Variants in VWF observed in about 807,000 individuals in gnomAD.
The protein encoded by VWF is von Willebrand factor, also known as Factor VIII related antigen.
In VWF, 176 loss-of-function variants were observed where a neutral mutation model predicts 308.6. The ratio of observed to expected loss-of-function variants is 0.57; its 90% confidence interval spans 0.50 to 0.65. The LOEUF (loss-of-function observed/expected upper bound fraction) is 0.65, where lower values mean the gene tolerates loss of function less well. Ranked by LOEUF, VWF falls within the 30% of genes least tolerant of loss-of-function variation. The probability of loss-of-function intolerance (pLI) is 0.00; values close to 1 mark genes in which losing one functional copy is unlikely to be tolerated. For missense variants in VWF, 3,146 were observed against 3,648.2 expected (o/e 0.86, Z 3.55); for synonymous variants, 1,385 against 1,443.4 (o/e 0.96, Z 0.92).
rs1403649370 is a variant in VWF at position 6,092,622 on chromosome 12, T to TGAGAGTGAGAGTCAGAGAGAGAGAGA, written c.657+2837_657+2838insTCTCTCTCTCTCTGACTCTCACTCTC. 7.9e-4 allele frequency among the ~76,000 whole-genome samples: 72 copies of TGAGAGTGAGAGTCAGAGAGAGAGAGA among 91,514 alleles called. 1 individual carries two copies. The highest frequency in any genetic ancestry group is 3.6e-3 in the African/African-American group (68 of 18,898). The allele number at this position is 91,514 out of a possible 152,430, so 60.0% of individuals were successfully genotyped here. A position where few individuals can be genotyped will look rare whatever the true frequency, so the allele number is the denominator to read the frequency against. ...GCTAGTTAGTGAGTGAGTGAGAGTG[T>TGAGAGTGAGAGTCAGAGAGAGAGAGA]GTGTGTGTGTGTGTGTGTGTGTGTG... On this transcript the variant is annotated intron_variant, in intron 6 of 51. Transcript: ENST00000261405.
intron 12 of VWF, 62 bp downstream of exon 12, chr12:6,064,184 A>G: frequency 6.2e-7 from 1 of 1,612,848 alleles, no homozygotes; most frequent in Non-Finnish European, 8.5e-7. Flanking sequence ...AGGGTTGAGA[A>G]GGAGGGTGCT....
intron 42 of VWF, among the ~76,000 whole-genome samples, chr12:5,979,780 G>A (rs1442809367): frequency 2.0e-5 from 3 of 150,672 alleles, no homozygotes; most frequent in Non-Finnish European, 3.0e-5. Flanking sequence ...GGTGGTTCAT[G>A]CCAGTAATCC....
chr12:5,988,442 G>A (rs972246335), intron 38 of VWF, among the ~76,000 whole-genome samples: 1 of 152,180 alleles, frequency 6.6e-6, no homozygotes, highest in Non-Finnish European at 1.5e-5. Context: ...CGGAAGGAGA[G>A]AGTCATGTTC....
At chr12:5,974,211 A>C (rs1479692241) in intron 43 of VWF, among the ~76,000 whole-genome samples, 1 of 141,640 alleles carries the variant, frequency 7.1e-6, no homozygotes, top group Admixed American at 6.9e-5. Context: ...GACCATCTGT[A>C]ACTTACTTAA....
intron 51 of VWF, among the ~76,000 whole-genome samples, chr12:5,949,417 C>G (rs1424325376): frequency 6.6e-6 from 1 of 152,130 alleles, no homozygotes; most frequent in Non-Finnish European, 1.5e-5. Flanking sequence ...TACCCACACC[C>G]CTCTAGCTGC....
chr12:6,072,026 A>T (rs1363829235), intron 9 of VWF, among the ~76,000 whole-genome samples: 1 of 152,172 alleles, frequency 6.6e-6, no homozygotes, highest in Non-Finnish European at 1.5e-5. Context: ...GCCCTCCTCC[A>T]GGGGGAAAGG....
intron 5 of VWF, among the ~76,000 whole-genome samples, chr12:6,098,696 G>A (rs926185097): frequency 1.3e-5 from 2 of 151,696 alleles, no homozygotes; most frequent in Non-Finnish European, 2.9e-5. Flanking sequence ...GGAGAATGGT[G>A]TGAACCTGGG....
intron 47 of VWF, among the ~76,000 whole-genome samples, chr12:5,956,474 T>C (rs1943251793): frequency 1.3e-5 from 2 of 152,104 alleles, no homozygotes; most frequent in Admixed American, 1.3e-4. Context: ...CTGTGCGTGC[T>C]GAGTTTTCAT....
At chr12:6,007,463 C>T (rs1306666178) in intron 34 of VWF, among the ~76,000 whole-genome samples, 1 of 152,164 alleles carries the variant, frequency 6.6e-6, no homozygotes, top group African/African-American at 2.4e-5. Context: ...AAAAAACACT[C>T]TTGAACAACC....
chr12:6,122,675 T>C (rs371529871), intron 2 of VWF: 119 of 482,258 alleles, frequency 2.5e-4, no homozygotes, highest in African/African-American at 1.9e-3. Flanking sequence ...GGCAGCAGTA[T>C]GATGCAGTGC....
At chr12:5,963,993 G>A (rs534886148) in intron 47 of VWF, among the ~76,000 whole-genome samples, 128 of 152,068 alleles carry the variant, frequency 8.4e-4, no homozygotes, top group African/African-American at 3.0e-3. Context: ...AGATCACGAG[G>A]TCAGGAGATT....
chr12:6,011,391 G>T (rs537176892), intron 34 of VWF, among the ~76,000 whole-genome samples: 1 of 152,340 alleles, frequency 6.6e-6, no homozygotes, highest in African/African-American at 2.4e-5. Context: ...ATCTGGGGAA[G>T]TGCCTTCCAA....
chr12:6,111,722 G>A (rs1312443665), intron 3 of VWF, among the ~76,000 whole-genome samples: 4 of 150,654 alleles, frequency 2.7e-5, no homozygotes, highest in Non-Finnish European at 5.9e-5. Context: ...AGGCTGAGGC[G>A]GGTGGATCAC....
At chr12:5,986,038 G>T (rs1375766783) in intron 38 of VWF, among the ~76,000 whole-genome samples, 1 of 152,222 alleles carries the variant, frequency 6.6e-6, no homozygotes, top group East Asian at 1.9e-4. Context: ...TTCTGAAATT[G>T]ACTTCAGACA....
At chr12:6,073,468 T>A (rs1944802691) in intron 8 of VWF, 151 bp downstream of exon 8, 2 of 1,098,870 alleles carry the variant, frequency 1.8e-6, no homozygotes, top group Non-Finnish European at 2.7e-6. Context: ...AGCTCAATCC[T>A]GATCACGCTG....
At chr12:6,074,477 T>C (rs1944817435) in intron 7 of VWF, among the ~76,000 whole-genome samples, 1 of 136,650 alleles carries the variant, frequency 7.3e-6, no homozygotes, top group Non-Finnish European at 1.5e-5. Flanking sequence ...CTACCCTACA[T>C]TCACAGACCT....
At position 6,020,634 on chromosome 12, in the gene VWF, T is replaced by C. The variant is rs1224269313; in HGVS notation, c.3675-891A>G. The stretch of plus-strand genomic sequence containing the variant: ...CTGCCAGCCCACAGGTGAAATCAAG[T>C]GACCGTGTGGTGGAGACCAATATGG... On this transcript the variant is annotated intron_variant, in intron 27 of 51. Transcript: ENST00000261405. The surrounding 1 kb of genome is among the most constrained non-coding windows in gnomAD (Gnocchi z 4.3). 1.3e-5 allele frequency among the ~76,000 whole-genome samples: 2 copies of C among 152,258 alleles called. No individual in the cohort carries two copies. Among genetic ancestry groups the C allele is most frequent in the Non-Finnish European group, 2.9e-5 (2 of 68,040 alleles).
At chr12:6,039,562 A>G (rs1454482786) in intron 18 of VWF, among the ~76,000 whole-genome samples, 2 of 152,212 alleles carry the variant, frequency 1.3e-5, no homozygotes, top group Admixed American at 6.5e-5. Context: ...GACTCCTCCT[A>G]TGAAGACTTA....
intron 5 of VWF, 114 bp downstream of exon 5, chr12:6,110,260 G>T: frequency 9.0e-7 from 1 of 1,110,822 alleles, no homozygotes; most frequent in Non-Finnish European, 1.4e-6. Flanking sequence ...ATAAATTGAG[G>T]TGAGGTCACA....
Sources: gnomAD v4.1 joint callset for allele counts (sites outside exome capture counted in the v4.1 genomes callset) on GRCh38, gnomAD v4.1.1 for gene constraint, Gnocchi (gnomAD v3.1) non-coding constraint, MANE v1.5 for transcripts, NCBI Gene and HGNC (gene_info 2026-07-23, HGNC 2026-07-21) for gene names.